Variants in AJAP1 observed in about 807,000 individuals in gnomAD.
AJAP1 encodes adherens junctions associated protein 1, also known as adherens junction-associated protein 1.
A neutral mutation model predicts 35.0 loss-of-function variants in AJAP1; 5 were observed. That is an observed-to-expected ratio of 0.14 (90% CI 0.07 to 0.30). AJAP1 has a LOEUF of 0.30. AJAP1 is among the 10% of genes least tolerant of loss of function. The probability of loss-of-function intolerance (pLI) is 1.00; values close to 1 mark genes in which losing one functional copy is unlikely to be tolerated. For missense variants in AJAP1, 586 were observed against 571.0 expected, an observed-to-expected ratio of 1.03 and a Z score of -0.27; for synonymous variants, 284 against 249.3, an observed-to-expected ratio of 1.14 and a Z score of -1.31.
At chr1:4,776,057 A>G (rs1361176940) in intron 5 of AJAP1, among the ~76,000 whole-genome samples, 1 of 152,178 alleles carries the variant, frequency 6.6e-6, no homozygotes, top group Non-Finnish European at 1.5e-5. Flanking sequence ...GACCTGGGAG[A>G]TGCAAGGCCT....
At position 4,770,051 on chromosome 1, in the gene AJAP1, T is replaced by C. The variant is rs115280211; in HGVS notation, c.917+111T>C. The stretch of plus-strand genomic sequence containing the variant: ...AAAGCCAGCCTGTTCTGCTGGCTTC[T>C]GCCCTGGGCAGTTCAGCTGCCACAG... On this transcript the variant is annotated intron_variant, in intron 3 of 5. Transcript: ENST00000378191. 2.8e-3 allele frequency: 2,714 copies of C among 972,852 alleles called. 36 individuals carry two copies. The African/African-American group carries it at 0.035, about 13-fold the overall frequency. The allele number at this position is 972,852 out of a possible 1,614,324, so 60.3% of individuals were successfully genotyped here.
chr1:4,752,000 G>A (rs959155308), intron 2 of AJAP1, among the ~76,000 whole-genome samples: 4 of 152,196 alleles, frequency 2.6e-5, no homozygotes, highest in Non-Finnish European at 5.9e-5. Context: ...CATCTGGCTG[G>A]ATGGTAATAG....
At chr1:4,711,521 A>G (rs945505794) in intron 1 of AJAP1, among the ~76,000 whole-genome samples, 3 of 152,166 alleles carry the variant, frequency 2.0e-5, no homozygotes, top group Admixed American at 2.0e-4. Flanking sequence ...GGGCAAAAGG[A>G]AGGAGGGACT....
chr1:4,771,947 C>T (rs1304758139), intron 3 of AJAP1, among the ~76,000 whole-genome samples: 4 of 152,132 alleles, frequency 2.6e-5, no homozygotes, highest in Non-Finnish European at 5.9e-5. Context: ...TCGAGGCGTT[C>T]GTGGGGAAAC....
intron 2 of AJAP1, among the ~76,000 whole-genome samples, chr1:4,767,421 C>T (rs558497289): frequency 1.3e-5 from 2 of 151,934 alleles, no homozygotes; most frequent in South Asian, 2.1e-4. Flanking sequence ...CCAACATCAT[C>T]GTTACCATCA....
intron 1 of AJAP1, among the ~76,000 whole-genome samples, chr1:4,691,770 T>C (rs1270706622): frequency 6.6e-6 from 1 of 152,050 alleles, no homozygotes; most frequent in Non-Finnish European, 1.5e-5. Flanking sequence ...GCAAGGTCTT[T>C]GAGGTCGGTG....
chr1:4,781,961 T>C (rs71640951), intron 5 of AJAP1, among the ~76,000 whole-genome samples: 17,815 of 152,212 alleles, frequency 0.12, 1,377 homozygotes, highest in East Asian at 0.37. Flanking sequence ...TCGCCTTCTC[T>C]CTCTTTGGCA....
intron 1 of AJAP1, among the ~76,000 whole-genome samples, chr1:4,676,913 T>G (rs1639374724): frequency 6.6e-6 from 1 of 152,124 alleles, no homozygotes; most frequent in Non-Finnish European, 1.5e-5. Flanking sequence ...TCCCAGCACT[T>G]TGGGAGGCCG....
At chr1:4,673,190 C>G (rs1639284473) in intron 1 of AJAP1, among the ~76,000 whole-genome samples, 1 of 152,158 alleles carries the variant, frequency 6.6e-6, no homozygotes, top group Admixed American at 6.5e-5. Context: ...AGTCTTCTCA[C>G]CAATGGAACT....
At chr1:4,760,375 A>G (rs928058814) in intron 2 of AJAP1, among the ~76,000 whole-genome samples, 2 of 151,636 alleles carry the variant, frequency 1.3e-5, no homozygotes, top group Admixed American at 6.6e-5. Flanking sequence ...ATGTGTGTGT[A>G]TGTGAGTGTG....
intron 1 of AJAP1, among the ~76,000 whole-genome samples, chr1:4,698,768 C>T (rs953696170): frequency 2.6e-5 from 4 of 152,200 alleles, no homozygotes; most frequent in African/African-American, 9.6e-5. Flanking sequence ...AGTTCTGAAA[C>T]TCCTGATTCT....
chr1:4,676,022 G>A (rs1639354588), intron 1 of AJAP1, among the ~76,000 whole-genome samples: 1 of 152,214 alleles, frequency 6.6e-6, no homozygotes, highest in African/African-American at 2.4e-5. Context: ...TCCCAGCTCT[G>A]TGTCCTCGTG....
intron 1 of AJAP1, among the ~76,000 whole-genome samples, chr1:4,708,364 T>C (rs1443389614): frequency 1.3e-5 from 2 of 152,132 alleles, no homozygotes; most frequent in African/African-American, 4.8e-5. Flanking sequence ...TGGTTGGTGC[T>C]GTGGTCGGCA....
intron 1 of AJAP1, among the ~76,000 whole-genome samples, chr1:4,685,088 C>T (rs1234972514): frequency 6.6e-6 from 1 of 152,198 alleles, no homozygotes; most frequent in Non-Finnish European, 1.5e-5. Context: ...TGGCCCCGAA[C>T]CCCCTCTGAT....
chr1:4,703,511 G>A (rs1036957788), intron 1 of AJAP1, among the ~76,000 whole-genome samples: 25 of 152,164 alleles, frequency 1.6e-4, no homozygotes, highest in African/African-American at 5.8e-4. Context: ...CTCAAGGGCA[G>A]AACCACCAGG....
At chr1:4,672,200 G>A (rs1639266114) in intron 1 of AJAP1, among the ~76,000 whole-genome samples, 1 of 152,196 alleles carries the variant, frequency 6.6e-6, no homozygotes, top group African/African-American at 2.4e-5. Flanking sequence ...GGGCCCTGTA[G>A]AGCTGGACTT....
At chr1:4,739,653 G>A (rs1014249251) in intron 2 of AJAP1, among the ~76,000 whole-genome samples, 1 of 152,300 alleles carries the variant, frequency 6.6e-6, no homozygotes, top group Non-Finnish European at 1.5e-5. Flanking sequence ...GACCCTTGGA[G>A]CATATTTTTA....
intron 1 of AJAP1, among the ~76,000 whole-genome samples, chr1:4,702,619 G>A (rs1640013329): frequency 6.6e-6 from 1 of 152,202 alleles, no homozygotes; most frequent in Non-Finnish European, 1.5e-5. Context: ...TCCGTCTGGG[G>A]CGTCCTGGGG....
chr1:4,663,913 G>C (rs761843055), intron 1 of AJAP1, among the ~76,000 whole-genome samples: 2 of 152,162 alleles, frequency 1.3e-5, no homozygotes, highest in Non-Finnish European at 2.9e-5. Flanking sequence ...CTTTTCGGGA[G>C]GCCTGGGTGC....
Sources: gnomAD v4.1 joint callset for allele counts (sites outside exome capture counted in the v4.1 genomes callset) on GRCh38, gnomAD v4.1.1 for gene constraint, MANE v1.5 for transcripts, NCBI Gene and HGNC (gene_info 2026-07-23, HGNC 2026-07-21) for gene names.